The following CDC42SE2 variants were observed in gnomAD, a reference collection of about 807,000 sequenced individuals.
CDC42SE2 encodes CDC42 small effector 2.
In CDC42SE2, 3 loss-of-function variants were observed where a neutral mutation model predicts 11.5. The observed-to-expected ratio is 0.26, with a 90% CI of 0.12 to 0.67. CDC42SE2 has a LOEUF of 0.67. CDC42SE2 is among the 30% of genes least tolerant of loss of function. CDC42SE2 has a pLI of 0.80. For missense variants in CDC42SE2, 82 were observed against 106.8 expected (o/e 0.77, Z 1.02); for synonymous variants, 33 against 34.8 (o/e 0.95, Z 0.18).
At chr5:131,237,870 G>A in the CDC42SE2 span, among the ~76,000 whole-genome samples, 1 of 152,154 alleles carries the variant, frequency 6.6e-6, no homozygotes, top group Non-Finnish European at 1.5e-5. Context: ...GGAATTACAG[G>A]TGTGAGCCAT....
intron 2 of CDC42SE2, among the ~76,000 whole-genome samples, chr5:131,340,927 G>A (rs891511443): frequency 2.0e-5 from 3 of 152,130 alleles, no homozygotes; most frequent in South Asian, 2.1e-4. Context: ...TCTGCCTGCC[G>A]TAGCCTCCCA....
At chr5:131,269,753 G>C (rs867241350) in intron 1 of CDC42SE2, among the ~76,000 whole-genome samples, 3 of 151,582 alleles carry the variant, frequency 2.0e-5, no homozygotes, top group African/African-American at 7.3e-5. Flanking sequence ...AACAGAGCGA[G>C]ACTCCATCTC....
intron 2 of CDC42SE2, among the ~76,000 whole-genome samples, chr5:131,336,368 G>A (rs151240414): frequency 0.049 from 7,383 of 152,196 alleles, 448 homozygotes; most frequent in Admixed American, 0.17. Context: ...TTCCCTTTGC[G>A]GGTAACCCAA....
chr5:131,324,971 T>G (rs1323234037), intron 2 of CDC42SE2, among the ~76,000 whole-genome samples: 1 of 152,204 alleles, frequency 6.6e-6, no homozygotes, highest in Non-Finnish European at 1.5e-5. Flanking sequence ...TCATAGTTAC[T>G]GGACTCTTTA....
chr5:131,379,750 G>C (rs578033160), intron 3 of CDC42SE2, among the ~76,000 whole-genome samples: 14 of 152,262 alleles, frequency 9.2e-5, no homozygotes, highest in African/African-American at 3.4e-4. Flanking sequence ...GGATTATTCA[G>C]ATGGTTGACG....
At chr5:131,294,457 G>A (rs1390644588) in intron 1 of CDC42SE2, among the ~76,000 whole-genome samples, 2 of 152,170 alleles carry the variant, frequency 1.3e-5, no homozygotes, top group Non-Finnish European at 2.9e-5. Context: ...CAGACACTCA[G>A]ATACTAGGGA....
At position 131,392,260 on chromosome 5, in the gene CDC42SE2, T is replaced by C. The variant is rs146473349; in HGVS notation, c.*1169T>C. On this transcript the variant is annotated 3_prime_UTR_variant, in exon 5 of 5. Transcript: ENST00000505065. ...TTAATTTGCCATCATTTATGTATAT[T>C]TTGGAAGGTATGAGACCCACAAGCA... The C allele has an allele frequency of 6.5e-6, 1 of 152,882 alleles. No individual in the cohort carries two copies. The highest frequency in any genetic ancestry group is 1.5e-5 in the Non-Finnish European group (1 of 68,026). The allele number at this position is 152,882 out of a possible 1,614,324, so 9.5% of individuals were successfully genotyped here.
Position 131,359,488 on chromosome 5 carries a change from G to A in CDC42SE2, c.-6G>A, listed in dbSNP as rs138505481. 6.9e-4 allele frequency: 1,108 copies of A among 1,611,768 alleles called. 12 individuals carry two copies. Among genetic ancestry groups the A allele is most frequent in the South Asian group, 5.4e-3 (491 of 91,018 alleles). Reference sequence around the variant, plus strand: ...CATTGGTGCTCATTTACTGTGGACTGTAAGCATGAGTGAATTCTGGTTGTG... The same window carrying A: ...CATTGGTGCTCATTTACTGTGGACTATAAGCATGAGTGAATTCTGGTTGTG... On this transcript the variant is annotated 5_prime_UTR_variant, in exon 3 of 5. Coordinates refer to ENST00000505065, the MANE Select transcript of CDC42SE2 (RefSeq NM_001375635.1).
At chr5:131,248,020 T>A (rs181607312) in intron 1 of CDC42SE2, among the ~76,000 whole-genome samples, 8 of 152,134 alleles carry the variant, frequency 5.3e-5, no homozygotes, top group African/African-American at 7.2e-5. Flanking sequence ...AATTAAAAAA[T>A]TTTAGTACAT....
At chr5:131,301,288 A>G (rs971896875) in intron 1 of CDC42SE2, among the ~76,000 whole-genome samples, 3 of 152,286 alleles carry the variant, frequency 2.0e-5, no homozygotes, top group South Asian at 2.1e-4. Flanking sequence ...GAGGATGACT[A>G]TAGTTAATAA....
chr5:131,301,610 T>G (rs1465387266), intron 1 of CDC42SE2, among the ~76,000 whole-genome samples: 2 of 151,720 alleles, frequency 1.3e-5, no homozygotes, highest in African/African-American at 2.4e-5. Flanking sequence ...ATATAAAAAT[T>G]AGCCGGGCGT....
rs777962585 is a variant in CDC42SE2, at chr5:131,359,464, A to C, written c.-30A>C. ...TCCCGAGTTGAGATTTGGAACCTTC[A>C]TTGGTGCTCATTTACTGTGGACTGT... On this transcript the variant is annotated 5_prime_UTR_variant, in exon 3 of 5. Coordinates refer to ENST00000505065, the MANE Select transcript of CDC42SE2 (RefSeq NM_001375635.1). The C allele has an allele frequency of 3.1e-6, 5 of 1,591,506 alleles. No homozygotes were observed. The Admixed American group carries it at 8.3e-5, about 27-fold the overall frequency.
upstream of CDC42SE2, among the ~76,000 whole-genome samples, chr5:131,244,489 T>C (rs549184419): frequency 9.2e-5 from 14 of 152,252 alleles, no homozygotes; most frequent in East Asian, 2.7e-3. Flanking sequence ...GGTAGGTGGA[T>C]CACTTGAGGC....
Position 131,358,735 on chromosome 5 carries a change from A to G in CDC42SE2, c.-285-474A>G, listed in dbSNP as rs142215072. Reference sequence around the variant, plus strand: ...AGCTCTAATTCCAGTGGATAAGGTAATAAGTTTGTTTATGGTTTTTGATGA... The same window carrying G: ...AGCTCTAATTCCAGTGGATAAGGTAGTAAGTTTGTTTATGGTTTTTGATGA... On this transcript the variant is annotated intron_variant, in intron 2 of 4. Coordinates refer to ENST00000505065, the MANE Select transcript of CDC42SE2 (RefSeq NM_001375635.1). Among the ~76,000 whole-genome samples the G allele has an allele frequency of 4.0e-3, 615 of 152,250 alleles. 6 individuals carry two copies. Among genetic ancestry groups the G allele is most frequent in the African/African-American group, 0.014 (595 of 41,570 alleles).
chr5:131,310,059 TTCCTGCTTTC>T (rs1207629289), intron 1 of CDC42SE2, among the ~76,000 whole-genome samples: 14 of 152,234 alleles, frequency 9.2e-5, no homozygotes, highest in Non-Finnish European at 1.9e-4. Context: ...TTTTGGATCT[TTCCTGCTTTC>T]TGTTGTGGGC....
chr5:131,334,784 T>C (rs1325348160), intron 2 of CDC42SE2, among the ~76,000 whole-genome samples: 7 of 152,314 alleles, frequency 4.6e-5, no homozygotes, highest in South Asian at 2.1e-4. Flanking sequence ...TGATGGTAGT[T>C]TGTATTTCTG....
At position 131,266,968 on chromosome 5, in the gene CDC42SE2, T is replaced by C. The variant is rs541807495; in HGVS notation, c.-455+2802T>C. Among the ~76,000 whole-genome samples, 27 of 151,084 alleles carry C rather than the reference T, an allele frequency of 1.8e-4. 2 individuals carry two copies. The highest frequency in any genetic ancestry group is 3.0e-5 in the Non-Finnish European group (2 of 67,778). On this transcript the variant is annotated intron_variant, in intron 1 of 4. Transcript: ENST00000505065. ...AAAGTGTTTGGCTTTTTTTTTTTTT[T>C]TTTTTTTTCGGATAAGCACATCATC...
chr5:131,291,777 A>G (rs1478440597), intron 1 of CDC42SE2, among the ~76,000 whole-genome samples: 2 of 152,104 alleles, frequency 1.3e-5, no homozygotes, highest in Non-Finnish European at 2.9e-5. Flanking sequence ...GATATAACAA[A>G]CACCACCCGG....
At chr5:131,377,460 C>T (rs1336989615) in intron 3 of CDC42SE2, among the ~76,000 whole-genome samples, 2 of 152,180 alleles carry the variant, frequency 1.3e-5, no homozygotes, top group Non-Finnish European at 2.9e-5. Context: ...TGAGCCACCA[C>T]GCCTGGCCTG....
Sources: gnomAD v4.1 joint callset for allele counts (sites outside exome capture counted in the v4.1 genomes callset) on GRCh38, gnomAD v4.1.1 for gene constraint, MANE v1.5 for transcripts, NCBI Gene and HGNC (gene_info 2026-07-23, HGNC 2026-07-21) for gene names.